SOX14: variants seen among roughly 807,000 people sequenced by gnomAD.
SOX14 encodes transcription factor SOX-14.
Under a neutral mutation model 14.8 loss-of-function variants are expected in SOX14, and 5 were observed. The observed-to-expected ratio is 0.34, with a 90% CI of 0.18 to 0.71. SOX14 has a LOEUF of 0.71. Ranked by LOEUF, SOX14 falls within the 30% of genes least tolerant of loss-of-function variation. SOX14 has a pLI of 0.64. For missense variants in SOX14, 270 were observed against 329.7 expected (o/e 0.82, Z 1.40); for synonymous variants, 164 against 146.3 (o/e 1.12, Z -0.87).
In SOX14 at chr3:137,765,101, A is replaced by C; in HGVS notation, c.317A>C (p.Lys106Thr). 1 of 1,613,660 alleles carries C rather than the reference A, an allele frequency of 6.2e-7. No homozygotes were observed. The highest frequency in any genetic ancestry group is 8.5e-7 in the Non-Finnish European group (1 of 1,179,702). ...TACCTGGGCGACACGGACCCGCTCA[A>C]GGCGGCTGGCCTGCCCGTGGGGGCC... ...LPYLGDTDPL[K>T]AAGLPVGASD... is the part of the protein sequence containing the mutation. The change falls in exon 1 of 1, where the codon AAG (lysine) becomes ACG (threonine). Residue 106 changes from lysine to threonine, a missense_variant. Physicochemically the swap from Lys to Thr is moderately conservative, Grantham distance 78. This residue lies in a region of SOX14 where 207 missense variants were observed against 210.9 expected (regional missense o/e 0.98). Transcript: ENST00000306087.
At position 137,766,256 on chromosome 3, in the gene SOX14, A is replaced by T. The variant is rs1939243554; in HGVS notation, c.*749A>T. ...TTGACGATGTCTTGGAAATGTACCT[A>T]GAAGGATTTTACCTCGTTGCTCTGT... is the stretch of plus-strand genomic sequence containing the variant. On this transcript the variant is annotated 3_prime_UTR_variant, in exon 1 of 1. Transcript: ENST00000306087. The T allele has an allele frequency of 6.6e-6, 1 of 152,266 alleles. No homozygotes were observed. Among genetic ancestry groups the T allele is most frequent in the South Asian group, 2.1e-4 (1 of 4,832 alleles). The allele number at this position is 152,266 out of a possible 1,614,324, so 9.4% of individuals were successfully genotyped here.
rs774157859 is a variant in SOX14 at position 137,764,779 on chromosome 3, G to T, written c.-6G>T. Reference sequence around the variant, plus strand: ...CCCTACCCCCACCCACCTAGCCGCCGGGACCATGTCCAAACCTTCAGACCA... The same window carrying T: ...CCCTACCCCCACCCACCTAGCCGCCTGGACCATGTCCAAACCTTCAGACCA... On this transcript the variant is annotated 5_prime_UTR_variant, in exon 1 of 1. Coordinates refer to ENST00000306087, the MANE Select transcript of SOX14 (RefSeq NM_004189.4). 5.0e-6 allele frequency: 8 copies of T among 1,612,746 alleles called. No homozygotes were observed. The highest frequency in any genetic ancestry group is 6.8e-6 in the Non-Finnish European group (8 of 1,179,654).
chr3:137,764,542 G>GCC lies in SOX14; in HGVS notation c.-241_-240dup. On this transcript the variant is annotated 5_prime_UTR_variant, in exon 1 of 1. Coordinates refer to ENST00000306087, the MANE Select transcript of SOX14 (RefSeq NM_004189.4). ...GGTGCCTGAAGCCCCCCGGCCGATC[G>GCC]CCCTCTCCTCCCCCGCCCTTTCTGC... is the stretch of plus-strand genomic sequence containing the variant. The GCC allele has an allele frequency of 3.9e-6, 1 of 257,520 alleles. No individual in the cohort carries two copies. 16.0% of individuals were successfully genotyped at this position (257,520 alleles called of 1,614,324 possible). A position where few individuals can be genotyped will look rare whatever the true frequency, so the allele number is the denominator to read the frequency against.
In SOX14 at chr3:137,764,552, C is replaced by G; in HGVS notation, c.-233C>G. ...GCCCCCCGGCCGATCGCCCTCTCCT[C>G]CCCCGCCCTTTCTGCCCCCACTCGC... is the stretch of plus-strand genomic sequence containing the variant. On this transcript the variant is annotated 5_prime_UTR_variant, in exon 1 of 1. Coordinates refer to ENST00000306087, the MANE Select transcript of SOX14 (RefSeq NM_004189.4). 4.3e-6 allele frequency: 1 copy of G among 232,882 alleles called. No homozygotes were observed. The highest frequency in any genetic ancestry group is 8.2e-6 in the Non-Finnish European group (1 of 121,548). 14.4% of individuals were successfully genotyped at this position (232,882 alleles called of 1,614,324 possible). A position where few individuals can be genotyped will look rare whatever the true frequency, so the allele number is the denominator to read the frequency against.
At position 137,765,382 on chromosome 3, in the gene SOX14, G is replaced by A; in HGVS notation, c.598G>A (p.Val200Met). The A allele has an allele frequency of 6.2e-7, 1 of 1,612,872 alleles. No individual in the cohort carries two copies. The highest frequency in any genetic ancestry group is 1.1e-5 in the South Asian group (1 of 90,932). ...GTCCCCCACCAACCCTGGCTACGTG[G>A]TGCCCTGTAACTGTACCGCCTGGTC... The part of the protein sequence containing the change: ...HPSPTNPGYV[V>M]PCNCTAWSAS... Residue 200 changes from valine (V) to methionine (M), a missense_variant, in exon 1 of 1, where the codon GTG becomes ATG. This residue lies in a region of SOX14 where 207 missense variants were observed against 210.9 expected (regional missense o/e 0.98). Coordinates refer to ENST00000306087, the MANE Select transcript of SOX14 (RefSeq NM_004189.4).
chr3:137,764,864 C>T lies in SOX14; in HGVS notation c.80C>T (p.Ala27Val). The T allele has an allele frequency of 6.2e-7, 1 of 1,614,226 alleles. No homozygotes were observed. The highest frequency in any genetic ancestry group is 8.5e-7 in the Non-Finnish European group (1 of 1,180,044). The stretch of plus-strand genomic sequence containing the variant: ...TCCCGGGGCCAGCGGCGCAAGATGG[C>T]CCAGGAAAACCCCAAGATGCACAAC... ...VWSRGQRRKM[A>V]QENPKMHNSE... is the part of the protein sequence containing the mutation. The change falls in exon 1 of 1, where the codon GCC becomes GTC. Residue 27 changes from alanine to valine, a missense_variant. Around this residue, in one of 2 missense-constraint regions of SOX14, gnomAD observed 63 missense variants for 118.8 expected, o/e 0.53. Coordinates refer to ENST00000306087, the MANE Select transcript of SOX14 (RefSeq NM_004189.4).
chr3:137,765,630 C>A lies in SOX14; in HGVS notation c.*123C>A. On this transcript the variant is annotated 3_prime_UTR_variant, in exon 1 of 1. Transcript: ENST00000306087. ...CCCTGCCGCTGTCCCTTACACCACC[C>A]AGACTTTTCCTCTCTCTTCCAGGGG... is the stretch of plus-strand genomic sequence containing the variant. 7.9e-7 allele frequency: 1 copy of A among 1,258,464 alleles called. No homozygotes were observed. The highest frequency in any genetic ancestry group is 1.1e-6 in the Non-Finnish European group (1 of 929,714). 78.0% of individuals were successfully genotyped at this position (1,258,464 alleles called of 1,614,324 possible).
At position 137,766,053 on chromosome 3, in the gene SOX14, G is replaced by A. The variant is rs948286906; in HGVS notation, c.*546G>A. 1.3e-5 allele frequency: 2 copies of A among 152,342 alleles called. No homozygotes were observed. The highest frequency in any genetic ancestry group is 2.4e-5 in the African/African-American group (1 of 41,460). 9.4% of individuals were successfully genotyped at this position (152,342 alleles called of 1,614,324 possible). On this transcript the variant is annotated 3_prime_UTR_variant, in exon 1 of 1. Coordinates refer to ENST00000306087, the MANE Select transcript of SOX14 (RefSeq NM_004189.4). ...TTCTATTTAAAACCATGCTATGATA[G>A]TGTTTGCTTCTTTAAAGGGAAAACA... is the stretch of plus-strand genomic sequence containing the variant.
In SOX14 at chr3:137,764,529, C is replaced by A. The variant is rs568330763; in HGVS notation, c.-256C>A. Reference sequence around the variant, plus strand: ...GGTCCCAGCCCCTGGTGCCTGAAGCCCCCCGGCCGATCGCCCTCTCCTCCC... The same window carrying A: ...GGTCCCAGCCCCTGGTGCCTGAAGCACCCCGGCCGATCGCCCTCTCCTCCC... On this transcript the variant is annotated 5_prime_UTR_variant, in exon 1 of 1. Coordinates refer to ENST00000306087, the MANE Select transcript of SOX14 (RefSeq NM_004189.4). 1 of 326,262 alleles carries A rather than the reference C, an allele frequency of 3.1e-6. No homozygotes were observed. The highest frequency in any genetic ancestry group is 5.6e-6 in the Non-Finnish European group (1 of 178,748). The allele number at this position is 326,262 out of a possible 1,614,324, so 20.2% of individuals were successfully genotyped here.
At position 137,765,106 on chromosome 3, in the gene SOX14, G is replaced by A; in HGVS notation, c.322G>A (p.Ala108Thr). The change falls in exon 1 of 1, where the codon GCT becomes ACT. Residue 108 changes from alanine (A) to threonine (T), a missense_variant. By Grantham distance (58) the Ala-to-Thr change is moderately conservative. Around this residue, in one of 2 missense-constraint regions of SOX14, gnomAD observed 207 missense variants for 210.9 expected, o/e 0.98. Coordinates refer to ENST00000306087, the MANE Select transcript of SOX14 (RefSeq NM_004189.4). ...GGGCGACACGGACCCGCTCAAGGCGGCTGGCCTGCCCGTGGGGGCCTCCGA... is the reference window on the plus strand; with the variant it reads ...GGGCGACACGGACCCGCTCAAGGCGACTGGCCTGCCCGTGGGGGCCTCCGA... ...YLGDTDPLKA[A>T]GLPVGASDGL... is the part of the protein sequence containing the mutation. 6.2e-7 allele frequency: 1 copy of A among 1,613,444 alleles called. No homozygotes were observed. Among genetic ancestry groups the A allele is most frequent in the Non-Finnish European group, 8.5e-7 (1 of 1,179,580 alleles).
At position 137,765,760 on chromosome 3, in the gene SOX14, A is replaced by C; in HGVS notation, c.*253A>C. On this transcript the variant is annotated 3_prime_UTR_variant, in exon 1 of 1. Coordinates refer to ENST00000306087, the MANE Select transcript of SOX14 (RefSeq NM_004189.4). ...CCCCTATCCCGACTCTCCCAAAACAAATCTCCGACTGTACCCCCTTTGGAC... is the reference window on the plus strand; with the variant it reads ...CCCCTATCCCGACTCTCCCAAAACACATCTCCGACTGTACCCCCTTTGGAC... 2 of 441,246 alleles carry C rather than the reference A, an allele frequency of 4.5e-6. No individual in the cohort carries two copies. The highest frequency in any genetic ancestry group is 7.9e-6 in the Non-Finnish European group (2 of 254,080). 27.3% of individuals were successfully genotyped at this position (441,246 alleles called of 1,614,324 possible).
In SOX14 at chr3:137,765,738, C is replaced by T; in HGVS notation, c.*231C>T. On this transcript the variant is annotated 3_prime_UTR_variant, in exon 1 of 1. Transcript: ENST00000306087. Reference sequence around the variant, plus strand: ...CGTTATGTCAGCTACACAGCTGCCCCTATCCCGACTCTCCCAAAACAAATC... The same window carrying T: ...CGTTATGTCAGCTACACAGCTGCCCTTATCCCGACTCTCCCAAAACAAATC... 2.0e-6 allele frequency: 1 copy of T among 492,086 alleles called. No individual in the cohort carries two copies. 30.5% of individuals were successfully genotyped at this position (492,086 alleles called of 1,614,324 possible).
At position 137,764,989 on chromosome 3, in the gene SOX14, A is replaced by C; in HGVS notation, c.205A>C (p.Met69Leu). Reference sequence around the variant, plus strand: ...AGCCAAGCGGCTACGCGCCCAGCACATGAAGGAGCACCCTGACTACAAGTA... The same window carrying C: ...AGCCAAGCGGCTACGCGCCCAGCACCTGAAGGAGCACCCTGACTACAAGTA... The part of the protein sequence containing the change: ...DEAKRLRAQH[M>L]KEHPDYKYRP... Residue 69 changes from methionine to leucine, a missense_variant, in exon 1 of 1, where the codon ATG becomes CTG. Physicochemically the swap from Met to Leu is conservative, Grantham distance 15 (BLOSUM62 2). Around this residue, in one of 2 missense-constraint regions of SOX14, gnomAD observed 63 missense variants for 118.8 expected, o/e 0.53. Transcript: ENST00000306087. The C allele has an allele frequency of 1.2e-6, 2 of 1,614,262 alleles. No homozygotes were observed. The highest frequency in any genetic ancestry group is 1.7e-6 in the Non-Finnish European group (2 of 1,180,050).
chr3:137,765,841 T>C lies in SOX14; in HGVS notation c.*334T>C, dbSNP rs2107802282. The C allele has an allele frequency of 3.9e-6, 1 of 256,278 alleles. No individual in the cohort carries two copies. Among genetic ancestry groups the C allele is most frequent in the South Asian group, 1.5e-4 (1 of 6,786 alleles). 15.9% of individuals were successfully genotyped at this position (256,278 alleles called of 1,614,324 possible). A position where few individuals can be genotyped will look rare whatever the true frequency, so the allele number is the denominator to read the frequency against. ...TCCCCTTCACTCTCCTCGGATAGGC[T>C]TTGGACTCTGAACTCCCAGATTCTG... On this transcript the variant is annotated 3_prime_UTR_variant, in exon 1 of 1. Transcript: ENST00000306087.
In SOX14 at chr3:137,764,677, G is replaced by A. The variant is rs1303778993; in HGVS notation, c.-108G>A. On this transcript the variant is annotated 5_prime_UTR_variant, in exon 1 of 1. Coordinates refer to ENST00000306087, the MANE Select transcript of SOX14 (RefSeq NM_004189.4). ...TCCCCTCAGCGGCGCCAAGGCGAGG[G>A]GAGCGCAGAACCCCGGCTCAGGACG... The A allele has an allele frequency of 2.9e-6, 4 of 1,401,360 alleles. No homozygotes were observed. In the African/African-American group the frequency reaches 4.3e-5, roughly 15 times the overall value. The allele number at this position is 1,401,360 out of a possible 1,614,324, so 86.8% of individuals were successfully genotyped here. A position where few individuals can be genotyped will look rare whatever the true frequency, so the allele number is the denominator to read the frequency against.
In SOX14 at chr3:137,765,863, T is replaced by A. The variant is rs1370118619; in HGVS notation, c.*356T>A. On this transcript the variant is annotated 3_prime_UTR_variant, in exon 1 of 1. Transcript: ENST00000306087. ...GGCTTTGGACTCTGAACTCCCAGATTCTGATATTATATCTACAATATGCAT... is the reference window on the plus strand; with the variant it reads ...GGCTTTGGACTCTGAACTCCCAGATACTGATATTATATCTACAATATGCAT... 4.5e-6 allele frequency: 1 copy of A among 220,184 alleles called. No homozygotes were observed. The highest frequency in any genetic ancestry group is 1.0e-4 in the East Asian group (1 of 9,772). 13.6% of individuals were successfully genotyped at this position (220,184 alleles called of 1,614,324 possible).
rs1939240392 is a variant in SOX14, at chr3:137,766,118, G to A, written c.*611G>A. 6.6e-6 allele frequency: 1 copy of A among 152,242 alleles called. No individual in the cohort carries two copies. The highest frequency in any genetic ancestry group is 2.1e-4 in the South Asian group (1 of 4,834). 9.4% of individuals were successfully genotyped at this position (152,242 alleles called of 1,614,324 possible). ...GGTTATTTACTTTGTGTAAAGCAGTGCTTCTAGAGATCTAAGTTTACTTTT... is the reference window on the plus strand; with the variant it reads ...GGTTATTTACTTTGTGTAAAGCAGTACTTCTAGAGATCTAAGTTTACTTTT... On this transcript the variant is annotated 3_prime_UTR_variant, in exon 1 of 1. Transcript: ENST00000306087.
chr3:137,764,655 C>A lies in SOX14; in HGVS notation c.-130C>A, dbSNP rs1939208582. On this transcript the variant is annotated 5_prime_UTR_variant, in exon 1 of 1. Transcript: ENST00000306087. ...GGGTCAGCGCTTCTCTCTGGCTTCC[C>A]CTCAGCGGCGCCAAGGCGAGGGGAG... The A allele has an allele frequency of 1.6e-6, 2 of 1,218,952 alleles. No individual in the cohort carries two copies. Among genetic ancestry groups the A allele is most frequent in the African/African-American group, 3.1e-5 (2 of 65,534 alleles). 75.5% of individuals were successfully genotyped at this position (1,218,952 alleles called of 1,614,324 possible).
Position 137,764,674 on chromosome 3 carries a change from A to AG in SOX14, c.-107dup. On this transcript the variant is annotated 5_prime_UTR_variant, in exon 1 of 1. Transcript: ENST00000306087. ...GCTTCCCCTCAGCGGCGCCAAGGCGAGGGGAGCGCAGAACCCCGGCTCAGG... is the reference window on the plus strand; with the variant it reads ...GCTTCCCCTCAGCGGCGCCAAGGCGAGGGGGAGCGCAGAACCCCGGCTCAGG... The AG allele has an allele frequency of 7.3e-7, 1 of 1,374,692 alleles. No homozygotes were observed. Among genetic ancestry groups the AG allele is most frequent in the Non-Finnish European group, 9.9e-7 (1 of 1,006,678 alleles). The allele number at this position is 1,374,692 out of a possible 1,614,324, so 85.2% of individuals were successfully genotyped here.
Sources: gnomAD v4.1 joint callset for allele counts on GRCh38, gnomAD v4.1.1 for gene constraint, gnomAD v4.1.1 regional missense constraint, MANE v1.5 for transcripts, NCBI Gene and HGNC (gene_info 2026-07-23, HGNC 2026-07-21) for gene names.